Variants in ARHGAP26 observed in about 807,000 individuals in gnomAD.
ARHGAP26 encodes the protein Rho GTPase activating protein 26.
A neutral mutation model predicts 104.8 loss-of-function variants in ARHGAP26; 38 were observed. That is an observed-to-expected ratio of 0.36 (90% CI 0.28 to 0.48). The LOEUF (loss-of-function observed/expected upper bound fraction) is 0.48, where lower values mean the gene tolerates loss of function less well. ARHGAP26 is among the 20% of genes least tolerant of loss of function. The probability of loss-of-function intolerance (pLI) is 0.99; values close to 1 mark genes in which losing one functional copy is unlikely to be tolerated. For synonymous variants in ARHGAP26, 341 were observed against 340.0 expected (o/e 1.00, Z -0.03); for missense variants, 704 against 947.9 (o/e 0.74, Z 3.38).
At chr5:142,776,542 T>C (rs1460414171) in intron 1 of ARHGAP26, among the ~76,000 whole-genome samples, 2 of 152,230 alleles carry the variant, frequency 1.3e-5, no homozygotes, top group East Asian at 3.8e-4. Flanking sequence ...CATGCTGTGT[T>C]TGAGGCTCAT....
chr5:143,197,775 T>G lies in ARHGAP26; in HGVS notation c.1989-9423T>G, dbSNP rs571877963. Among the ~76,000 whole-genome samples, 26 of 152,342 alleles carry G rather than the reference T, an allele frequency of 1.7e-4. No homozygotes were observed. In the East Asian group the frequency reaches 5.0e-3, roughly 29 times the overall value. On this transcript the variant is annotated intron_variant, in intron 20 of 22. Transcript: ENST00000645722. ...TTATTGTTTGCCTTTGGCATTTAGG[T>G]CTATAATCCATCTGGAACACATTTG...
intron 12 of ARHGAP26, among the ~76,000 whole-genome samples, chr5:143,029,045 G>A (rs1017428145): frequency 1.3e-5 from 2 of 152,140 alleles, no homozygotes; most frequent in African/African-American, 4.8e-5. Context: ...GCTTTCCAGG[G>A]GCCACAGCCC....
chr5:143,180,920 C>T (rs1804240834), intron 20 of ARHGAP26, among the ~76,000 whole-genome samples: 1 of 152,180 alleles, frequency 6.6e-6, no homozygotes, highest in Admixed American at 6.5e-5. Flanking sequence ...TGAATGGTTC[C>T]CCTTCCTCCC....
In ARHGAP26 at chr5:143,037,302, C is replaced by G. The variant is rs367990747; in HGVS notation, c.1210+41C>G. The stretch of plus-strand genomic sequence containing the variant: ...AGATGGCATTGTTCTCATAGAAGGT[C>G]ACGCATCTGGTGAGGAGTCAGACCT... On this transcript the variant is annotated intron_variant, in intron 13 of 22. Transcript: ENST00000645722. The G allele has an allele frequency of 3.9e-6, 6 of 1,523,454 alleles. No individual in the cohort carries two copies. The African/African-American group carries it at 8.2e-5, about 21-fold the overall frequency. The allele number at this position is 1,523,454 out of a possible 1,614,324, so 94.4% of individuals were successfully genotyped here. A position where few individuals can be genotyped will look rare whatever the true frequency, so the allele number is the denominator to read the frequency against.
intron 1 of ARHGAP26, among the ~76,000 whole-genome samples, chr5:142,863,236 G>A (rs1439912499): frequency 3.3e-5 from 5 of 151,592 alleles, no homozygotes; most frequent in East Asian, 2.0e-4. Context: ...TCAGCCTCCC[G>A]AGTAGCTGTG....
At chr5:142,995,996 A>G (rs1776323251) in intron 11 of ARHGAP26, among the ~76,000 whole-genome samples, 2 of 152,108 alleles carry the variant, frequency 1.3e-5, no homozygotes, top group Non-Finnish European at 2.9e-5. Flanking sequence ...GAACAATGAG[A>G]ACACATGGGC....
Position 142,969,763 on chromosome 5 carries a change from A to G in ARHGAP26, c.1107+37638A>G, listed in dbSNP as rs527328166. 1.5e-4 allele frequency among the ~76,000 whole-genome samples: 23 copies of G among 152,240 alleles called. No individual in the cohort carries two copies. In the East Asian group the frequency reaches 4.4e-3, roughly 29 times the overall value. ...CTTAGAGAAGTGCACATGGGTGGTC[A>G]GTGTATCACGGCCCCTGAAGATGAG... is the stretch of plus-strand genomic sequence containing the variant. On this transcript the variant is annotated intron_variant, in intron 11 of 22. Transcript: ENST00000645722.
At chr5:143,038,885 G>A (rs1340492058) in intron 13 of ARHGAP26, among the ~76,000 whole-genome samples, 2 of 151,680 alleles carry the variant, frequency 1.3e-5, no homozygotes, top group South Asian at 2.1e-4. Flanking sequence ...TAATAGAGAT[G>A]GGGTTTCACC....
chr5:142,994,058 G>A (rs1598532905), intron 11 of ARHGAP26, among the ~76,000 whole-genome samples: 1 of 152,228 alleles, frequency 6.6e-6, no homozygotes, highest in African/African-American at 2.4e-5. Flanking sequence ...TTAAATGCCT[G>A]CTATGTGCAA....
intron 5 of ARHGAP26, among the ~76,000 whole-genome samples, chr5:142,889,301 T>C (rs1379456650): frequency 1.3e-5 from 2 of 152,168 alleles, no homozygotes; most frequent in African/African-American, 2.4e-5. Context: ...GTCTTTGTTC[T>C]CATGGACTTT....
At chr5:143,085,306 A>ATGTATAT (rs1292111100) in intron 17 of ARHGAP26, among the ~76,000 whole-genome samples, 2 of 152,100 alleles carry the variant, frequency 1.3e-5, no homozygotes, top group Non-Finnish European at 2.9e-5. Context: ...TTCACCAGTT[A>ATGTATAT]GTCTCATATA....
chr5:143,069,345 C>T (rs958310249), intron 17 of ARHGAP26, among the ~76,000 whole-genome samples: 2 of 152,164 alleles, frequency 1.3e-5, no homozygotes. Flanking sequence ...CTGCACTGCT[C>T]AATAAATATT....
intron 11 of ARHGAP26, among the ~76,000 whole-genome samples, chr5:142,964,685 A>G (rs1263516698): frequency 6.6e-6 from 1 of 152,186 alleles, no homozygotes; most frequent in Non-Finnish European, 1.5e-5. Flanking sequence ...CAAAAAGACT[A>G]GGAAGGGAGT....
chr5:143,041,162 A>G (rs1783412240), intron 13 of ARHGAP26, among the ~76,000 whole-genome samples: 1 of 152,228 alleles, frequency 6.6e-6, no homozygotes, highest in Admixed American at 6.5e-5. Flanking sequence ...GATCTAATCC[A>G]TGTATTTAAA....
At chr5:143,078,825 G>A (rs186749498) in intron 17 of ARHGAP26, among the ~76,000 whole-genome samples, 1 of 152,304 alleles carries the variant, frequency 6.6e-6, no homozygotes, top group East Asian at 1.9e-4. Flanking sequence ...GACTTTCTTA[G>A]CATCTGAGCT....
intron 1 of ARHGAP26, among the ~76,000 whole-genome samples, chr5:142,833,551 T>C (rs1038222440): frequency 1.6e-4 from 25 of 152,198 alleles, no homozygotes; most frequent in African/African-American, 5.8e-4. Context: ...TGTACTTTTT[T>C]CCCCCATTTA....
chr5:142,961,251 G>C (rs1204059809), intron 11 of ARHGAP26, among the ~76,000 whole-genome samples: 1 of 152,170 alleles, frequency 6.6e-6, no homozygotes, highest in Admixed American at 6.5e-5. Flanking sequence ...AGCACTTTGG[G>C]AGGCTGAGGT....
chr5:142,870,720 C>T (rs930426746), intron 1 of ARHGAP26, among the ~76,000 whole-genome samples: 2 of 152,142 alleles, frequency 1.3e-5, no homozygotes, highest in East Asian at 1.9e-4. Context: ...TGACAGCCTC[C>T]GTCAGATGAG....
chr5:142,995,551 T>C (rs1195580052), intron 11 of ARHGAP26, among the ~76,000 whole-genome samples: 1 of 152,256 alleles, frequency 6.6e-6, no homozygotes, highest in South Asian at 2.1e-4. Context: ...GGAACGCTTT[T>C]ACACTGTTGG....
Sources: allele counts gnomAD v4.1 joint callset (sites outside exome capture counted in the v4.1 genomes callset), GRCh38; gene constraint gnomAD v4.1.1; transcripts MANE v1.5; gene names NCBI Gene and HGNC (gene_info 2026-07-23, HGNC 2026-07-21).